The following ATG2B variants were observed in gnomAD, a reference collection of about 807,000 sequenced individuals.
ATG2B encodes autophagy related 2B.
In ATG2B, 121 loss-of-function variants were observed where a neutral mutation model predicts 241.3. The observed-to-expected ratio is 0.50, with a 90% CI of 0.43 to 0.58. ATG2B has a LOEUF of 0.58. Ranked by LOEUF, ATG2B falls within the 20% of genes least tolerant of loss-of-function variation. The pLI is 0.00. For missense variants in ATG2B, 2,306 were observed against 2,491.6 expected (o/e 0.93, Z 1.59); for synonymous variants, 858 against 876.6 (o/e 0.98, Z 0.37).
chr14:96,323,114 G>A (rs970486210), intron 16 of ATG2B, among the ~76,000 whole-genome samples: 3 of 152,174 alleles, frequency 2.0e-5, no homozygotes, highest in African/African-American at 7.2e-5. Flanking sequence ...GAAACCTCAT[G>A]TTATATCAAC....
Position 96,295,471 on chromosome 14 carries a change from A to G in ATG2B, c.5218+11T>C, listed in dbSNP as rs749161060. On this transcript the variant is annotated intron_variant, in intron 35 of 41. Coordinates refer to ENST00000359933, the MANE Select transcript of ATG2B (RefSeq NM_018036.7). The stretch of plus-strand genomic sequence containing the variant: ...CTTGGTATAGTCTTTTCAACTATAC[A>G]TATTTAATACCTTCTGGATCTGGAG... 3.8e-6 allele frequency: 6 copies of G among 1,558,598 alleles called. No individual in the cohort carries two copies. Among genetic ancestry groups the G allele is most frequent in the South Asian group, 1.2e-5 (1 of 83,902 alleles).
chr14:96,342,588 A>G (rs1888068197), intron 5 of ATG2B, among the ~76,000 whole-genome samples: 1 of 151,710 alleles, frequency 6.6e-6, no homozygotes, highest in African/African-American at 2.4e-5. Context: ...CGGGCATGGT[A>G]GCATGTGCCT....
At chr14:96,287,757 G>A (rs957624861) in intron 41 of ATG2B, among the ~76,000 whole-genome samples, 2 of 152,152 alleles carry the variant, frequency 1.3e-5, no homozygotes, top group Non-Finnish European at 2.9e-5. Flanking sequence ...CCACACAGAA[G>A]GTATTTGTGG....
At chr14:96,337,164 G>A (rs141672468) in intron 6 of ATG2B, among the ~76,000 whole-genome samples, 7 of 152,210 alleles carry the variant, frequency 4.6e-5, no homozygotes, top group Non-Finnish European at 8.8e-5. Flanking sequence ...GCATCTGTCC[G>A]AAAAACTGGG....
chr14:96,316,828 C>G (rs1217296805), intron 20 of ATG2B, 145 bp from the exon 21 acceptor site: 1 of 673,620 alleles, frequency 1.5e-6, no homozygotes, highest in African/African-American at 1.8e-5. Flanking sequence ...TATTCAATAT[C>G]ATGGTATAAA....
At chr14:96,340,071 T>TCA (rs1887971957) in intron 6 of ATG2B, among the ~76,000 whole-genome samples, 2 of 69,598 alleles carry the variant, frequency 2.9e-5, no homozygotes, top group African/African-American at 8.2e-5. Context: ...ATGCTATATG[T>TCA]GATATGATAT....
chr14:96,299,713 CTA>C (rs1024636864), intron 34 of ATG2B, among the ~76,000 whole-genome samples: 10 of 152,176 alleles, frequency 6.6e-5, no homozygotes, highest in Non-Finnish European at 1.3e-4. Flanking sequence ...ACTGCCTGCC[CTA>C]AGGGAACACT....
At chr14:96,361,859 A>G (rs1888640320) in intron 1 of ATG2B, among the ~76,000 whole-genome samples, 1 of 152,156 alleles carries the variant, frequency 6.6e-6, no homozygotes. Flanking sequence ...TATAGTCTCT[A>G]GCACAAATTC....
chr14:96,317,462 G>C lies in ATG2B; in HGVS notation c.3038-145C>G, dbSNP rs1887346233. 57 of 786,504 alleles carry C rather than the reference G, an allele frequency of 7.2e-5. 1 individual carries two copies. The South Asian group carries it at 1.2e-3, about 16-fold the overall frequency. 48.7% of individuals were successfully genotyped at this position (786,504 alleles called of 1,614,324 possible). On this transcript the variant is annotated intron_variant, in intron 19 of 41. Coordinates refer to ENST00000359933, the MANE Select transcript of ATG2B (RefSeq NM_018036.7). Reference sequence around the variant, plus strand: ...GAAATACATACTGTTTTTCTCTTTAGCTTTGAACTTCAAACAATGTGCACA... The same window carrying C: ...GAAATACATACTGTTTTTCTCTTTACCTTTGAACTTCAAACAATGTGCACA...
intron 28 of ATG2B, 90 bp from the exon 29 acceptor site, chr14:96,309,684 T>C (rs1361608251): frequency 1.6e-6 from 2 of 1,254,914 alleles, no homozygotes; most frequent in South Asian, 3.3e-5. Flanking sequence ...ATACATTACA[T>C]TGTACAAAAA....
chr14:96,296,501 T>A (rs1886644088), intron 34 of ATG2B, among the ~76,000 whole-genome samples: 1 of 151,944 alleles, frequency 6.6e-6, no homozygotes. Context: ...GTGGCTCACA[T>A]CTGTAATCCC....
In ATG2B at chr14:96,336,131, A is replaced by C. The variant is rs189840753; in HGVS notation, c.925-1630T>G. Among the ~76,000 whole-genome samples, 145 of 151,832 alleles carry C rather than the reference A, an allele frequency of 9.6e-4. 1 individual carries two copies. The highest frequency in any genetic ancestry group is 3.3e-3 in the African/African-American group (137 of 41,338). On this transcript the variant is annotated intron_variant, in intron 6 of 41. Coordinates refer to ENST00000359933, the MANE Select transcript of ATG2B (RefSeq NM_018036.7). ...GAAACACAGACTTACACACTACTCA[A>C]GGGAATACTATTCAGAGAACTTAAA... is the stretch of plus-strand genomic sequence containing the variant.
chr14:96,316,579 C>T lies in ATG2B; in HGVS notation c.3315G>A (p.Lys1105=), dbSNP rs980167992. 2.5e-6 allele frequency: 4 copies of T among 1,613,654 alleles called. No homozygotes were observed. The Admixed American group carries it at 5.0e-5, about 20-fold the overall frequency. Residue 1105 remains lysine, a synonymous_variant, in exon 21 of 42, where the codon AAG becomes AAA. Transcript: ENST00000359933. ...CVTKYEGFDD[K]HYICLHSSSF... is the part of the protein sequence containing the mutation. ...TGCTAGAATGAAGGCAAATGTAGTG[C>T]TTGTCATCAAAACCTTCATATTTTG...
intron 41 of ATG2B, among the ~76,000 whole-genome samples, chr14:96,287,924 T>G (rs1405003846): frequency 6.6e-6 from 1 of 152,204 alleles, no homozygotes; most frequent in Non-Finnish European, 1.5e-5. Context: ...AAGATGAGCC[T>G]ATCTATGACA....
intron 16 of ATG2B, 99 bp downstream of exon 16, chr14:96,323,787 TCAAGGATGGA>T: frequency 1.3e-6 from 1 of 759,728 alleles, no homozygotes; most frequent in South Asian, 1.6e-5. Flanking sequence ...CACAAAAGAA[TCAAGGATGGA>T]CATGTTTAGC....
At chr14:96,316,766 T>G in intron 20 of ATG2B, 83 bp from the exon 21 acceptor site, 1 of 1,252,302 alleles carries the variant, frequency 8.0e-7, no homozygotes, top group South Asian at 1.4e-5. Context: ...TCTTTGTTGA[T>G]TCAGCTTAGG....
intron 28 of ATG2B, 51 bp from the exon 29 acceptor site, chr14:96,309,645 A>G: frequency 6.6e-7 from 1 of 1,522,614 alleles, no homozygotes; most frequent in Non-Finnish European, 8.9e-7. Flanking sequence ...CTTAAAAACC[A>G]AACTACTTAC....
chr14:96,351,877 G>T (rs774344243), intron 1 of ATG2B, among the ~76,000 whole-genome samples: 7 of 148,804 alleles, frequency 4.7e-5, no homozygotes, highest in Non-Finnish European at 5.9e-5. Flanking sequence ...ACCCAAGCCT[G>T]GGTGACACAG....
At chr14:96,350,449 T>A (rs1352168729) in intron 1 of ATG2B, among the ~76,000 whole-genome samples, 2 of 152,218 alleles carry the variant, frequency 1.3e-5, no homozygotes, top group African/African-American at 4.8e-5. Flanking sequence ...CAAAGATTTT[T>A]AAATGTCTAC....
Sources: gnomAD v4.1 joint callset for allele counts (sites outside exome capture counted in the v4.1 genomes callset) on GRCh38, gnomAD v4.1.1 for gene constraint, MANE v1.5 for transcripts, NCBI Gene and HGNC (gene_info 2026-07-23, HGNC 2026-07-21) for gene names.